LARP4B: variants seen among roughly 807,000 people sequenced by gnomAD.
LARP4B encodes la-related protein 4B.
LARP4B carries 12 observed loss-of-function variants against 89.8 expected under a neutral mutation model. That is an observed-to-expected ratio of 0.13 (90% confidence interval 0.09 to 0.22). The LOEUF (loss-of-function observed/expected upper bound fraction) is 0.22, where lower values mean the gene tolerates loss of function less well. LARP4B is among the 10% of genes least tolerant of loss of function. The pLI, the probability that LARP4B is intolerant of heterozygous loss-of-function variation, is 1.00. For synonymous variants in LARP4B, 367 were observed against 363.3 expected (o/e 1.01, Z -0.12); for missense variants, 757 against 947.7 (o/e 0.80, Z 2.64).
Position 845,834 on chromosome 10 carries a change from A to G in LARP4B, c.431-779T>C, listed in dbSNP as rs531026007. ...AGAACTAAGTTTTTCCTGCCTTCCT[A>G]TATAAATTAGCATGGTACAATCATA... On this transcript the variant is annotated intron_variant, in intron 5 of 17. Coordinates refer to ENST00000316157, the MANE Select transcript of LARP4B (RefSeq NM_015155.3). Among the ~76,000 whole-genome samples the G allele has an allele frequency of 2.4e-4, 36 of 152,348 alleles. 1 individual carries two copies. The highest frequency in any genetic ancestry group is 8.7e-4 in the African/African-American group (36 of 41,592).
chr10:864,509 G>A (rs1267030065), intron 3 of LARP4B, among the ~76,000 whole-genome samples: 2 of 151,792 alleles, frequency 1.3e-5, no homozygotes, highest in African/African-American at 4.8e-5. Flanking sequence ...TTGCAGAGAT[G>A]GGGAAGGACA....
At chr10:831,093 A>T (rs901708594) in intron 8 of LARP4B, 116 bp from the exon 9 acceptor site, 1 of 489,006 alleles carries the variant, frequency 2.0e-6, no homozygotes, top group African/African-American at 2.0e-5. Context: ...CAAACGTACC[A>T]TGATGCCTAG....
intron 1 of LARP4B, among the ~76,000 whole-genome samples, chr10:905,072 A>G (rs1224779907): frequency 6.6e-6 from 1 of 152,238 alleles, no homozygotes; most frequent in Non-Finnish European, 1.5e-5. Context: ...CATCCCCAAG[A>G]TACCTCATTA....
At chr10:884,382 A>C (rs1835788146) in intron 3 of LARP4B, 65 bp downstream of exon 3, 1 of 1,098,568 alleles carries the variant, frequency 9.1e-7, no homozygotes, top group African/African-American at 1.6e-5. Flanking sequence ...CATTTTTCTT[A>C]AGGAAGTATC....
chr10:908,296 A>G (rs951387947), intron 1 of LARP4B, among the ~76,000 whole-genome samples: 3 of 152,202 alleles, frequency 2.0e-5, no homozygotes, highest in Non-Finnish European at 4.4e-5. Context: ...CAGCCCAAAG[A>G]GGGCATGGGA....
chr10:977,724 AG>A, the LARP4B span, among the ~76,000 whole-genome samples: 6 of 152,224 alleles, frequency 3.9e-5, no homozygotes, highest in African/African-American at 1.4e-4. Context: ...TAAATCACCT[AG>A]AGATGACAAA....
At chr10:816,411 G>A (rs1390725674) in intron 15 of LARP4B, among the ~76,000 whole-genome samples, 1 of 152,202 alleles carries the variant, frequency 6.6e-6, no homozygotes, top group African/African-American at 2.4e-5. Flanking sequence ...CAAGGGCCAC[G>A]CTGTTGACTC....
At chr10:921,053 C>T (rs1018314895) in intron 1 of LARP4B, among the ~76,000 whole-genome samples, 2 of 152,168 alleles carry the variant, frequency 1.3e-5, no homozygotes, top group African/African-American at 4.8e-5. Context: ...GCAGGCGGAT[C>T]ACCTGAGGTG....
At chr10:927,978 C>A (rs540947172) in intron 1 of LARP4B, among the ~76,000 whole-genome samples, 50 of 151,854 alleles carry the variant, frequency 3.3e-4, no homozygotes, top group Non-Finnish European at 5.6e-4. Flanking sequence ...TTTGGGAGGC[C>A]GAGGCGGGCG....
chr10:921,228 G>A (rs1169456025), intron 1 of LARP4B, among the ~76,000 whole-genome samples: 3 of 151,398 alleles, frequency 2.0e-5, no homozygotes, highest in African/African-American at 4.9e-5. Flanking sequence ...AGCCGAGATC[G>A]CACCATTGCA....
At chr10:930,622 C>T (rs747519322) in intron 1 of LARP4B, among the ~76,000 whole-genome samples, 11 of 152,222 alleles carry the variant, frequency 7.2e-5, no homozygotes, top group Admixed American at 1.3e-4. Flanking sequence ...CCCTGAGAGG[C>T]AGGTGCAGCA....
chr10:939,995 G>A, the LARP4B span, among the ~76,000 whole-genome samples: 123 of 146,790 alleles, frequency 8.4e-4, no homozygotes, highest in African/African-American at 2.9e-3. Flanking sequence ...ACTGGCATGT[G>A]CCACCACGCC....
At chr10:829,774 C>T (rs761273325) in intron 9 of LARP4B, 40 bp from the exon 10 acceptor site, 56 of 1,459,650 alleles carry the variant, frequency 3.8e-5, no homozygotes, top group Non-Finnish European at 4.9e-5. Flanking sequence ...TTCGATTAAC[C>T]TTATGAATAA....
Position 812,099 on chromosome 10 carries a change from A to C in LARP4B, c.*827T>G, listed in dbSNP as rs928011168. ...GGGGAACACGGACAGAAATGTGCAC[A>C]GAGCAGGGCCGGGGCCATCAGCTCA... On this transcript the variant is annotated 3_prime_UTR_variant, in exon 18 of 18. Transcript: ENST00000316157. The C allele has an allele frequency of 6.5e-6, 1 of 152,710 alleles. No individual in the cohort carries two copies. Among genetic ancestry groups the C allele is most frequent in the South Asian group, 2.1e-4 (1 of 4,832 alleles). 9.5% of individuals were successfully genotyped at this position (152,710 alleles called of 1,614,324 possible). A position where few individuals can be genotyped will look rare whatever the true frequency, so the allele number is the denominator to read the frequency against.
At chr10:973,346 G>A in the LARP4B span, among the ~76,000 whole-genome samples, 2 of 150,988 alleles carry the variant, frequency 1.3e-5, no homozygotes, top group African/African-American at 2.5e-5. Flanking sequence ...AACGTGATCC[G>A]CTTTTGGTGA....
chr10:834,960 A>G (rs1265408436), intron 8 of LARP4B, among the ~76,000 whole-genome samples: 1 of 151,890 alleles, frequency 6.6e-6, no homozygotes, highest in Non-Finnish European at 1.5e-5. Flanking sequence ...GAAGCACTCG[A>G]ACCTGGGAGG....
At chr10:963,428 C>T in the LARP4B span, among the ~76,000 whole-genome samples, 1,386 of 152,324 alleles carry the variant, frequency 9.1e-3, 22 homozygotes, top group African/African-American at 0.032. Flanking sequence ...AGCTGGGGCC[C>T]TGCCTCCAAC....
At chr10:832,184 C>T (rs1210196659) in intron 8 of LARP4B, among the ~76,000 whole-genome samples, 1 of 152,214 alleles carries the variant, frequency 6.6e-6, no homozygotes, top group Non-Finnish European at 1.5e-5. Context: ...GCTGGGACTA[C>T]AGGCACCCGC....
intron 1 of LARP4B, among the ~76,000 whole-genome samples, chr10:887,252 G>A (rs1256163685): frequency 3.9e-5 from 6 of 152,052 alleles, no homozygotes; most frequent in African/African-American, 1.5e-4. Context: ...ATATTGTATT[G>A]TACACTCGAA....
Sources: allele counts gnomAD v4.1 joint callset (sites outside exome capture counted in the v4.1 genomes callset), GRCh38; gene constraint gnomAD v4.1.1; transcripts MANE v1.5; gene names NCBI Gene and HGNC (gene_info 2026-07-23, HGNC 2026-07-21).